The following SPAG5 variants were observed in gnomAD, a reference collection of about 807,000 sequenced individuals.
SPAG5 encodes sperm associated antigen 5.
SPAG5 carries 99 observed loss-of-function variants against 145.4 expected under a neutral mutation model. The observed-to-expected ratio is 0.68, with a 90% CI of 0.58 to 0.80. The LOEUF (loss-of-function observed/expected upper bound fraction) is 0.80. Among genes scored for constraint, SPAG5 ranks in the 30% least tolerant of loss-of-function variants. SPAG5 has a pLI of 0.00. For synonymous variants in SPAG5, 477 were observed against 525.4 expected (o/e 0.91, Z 1.26); for missense variants, 1,192 against 1,416.0 (o/e 0.84, Z 2.54).
rs2070627380 is a variant in SPAG5, at chr17:28,592,323, G to A, written c.921C>T (p.Cys307=). ...VSSVEDILST[C]LTPNLVEMES... ...CCATTTCTACTAGATTTGGTGTCAG[G>A]CATGTGGACAGAATATCTTCCACAC... Residue 307 remains cysteine (C), a synonymous_variant, in exon 3 of 24, where the codon TGC becomes TGT. Transcript: ENST00000321765. 6.2e-7 allele frequency: 1 copy of A among 1,614,066 alleles called. No individual in the cohort carries two copies. Among genetic ancestry groups the A allele is most frequent in the Non-Finnish European group, 8.5e-7 (1 of 1,179,980 alleles).
In SPAG5 at chr17:28,584,191, C is replaced by G. The variant is rs907997056; in HGVS notation, c.2371G>C (p.Val791Leu). The change falls in exon 13 of 24, where the codon GTC becomes CTC. Residue 791 changes from valine to leucine, a missense_variant. Val to Leu is a conservative substitution (Grantham distance 32, BLOSUM62 1). This residue lies in a region of SPAG5 where 709 missense variants were observed against 840.7 expected (regional missense o/e 0.84). Coordinates refer to ENST00000321765, the MANE Select transcript of SPAG5 (RefSeq NM_006461.4). ...MQAELQQQQAVLAKEVRDLKE... is the reference protein window; with the variant it reads ...MQAELQQQQALLAKEVRDLKE... ...AGGTCCCGCACCTCTTTGGCCAGGA[C>G]AGCTTGTTGCTGCTGCAGTTCTGCC... 1 of 1,613,940 alleles carries G rather than the reference C, an allele frequency of 6.2e-7. No individual in the cohort carries two copies. The highest frequency in any genetic ancestry group is 1.3e-5 in the African/African-American group (1 of 74,948).
At chr17:28,581,231 A>G (rs1427303264) in intron 15 of SPAG5, among the ~76,000 whole-genome samples, 4 of 152,220 alleles carry the variant, frequency 2.6e-5, no homozygotes, top group African/African-American at 7.2e-5. Context: ...CATATGGCCC[A>G]AAAAGCCAAA....
Position 28,585,158 on chromosome 17 carries a change from CTG to C in SPAG5, c.2009_2010del (p.Thr670SerfsTer11). On this transcript the variant is annotated frameshift_variant, in exon 10 of 24. Transcript: ENST00000321765. LOFTEE classifies it high-confidence loss of function. ...SRSRQLTEKL[T>X]VKSQQALQER... ...TCCTGCAGGGCTTGCTGGCTCTTGACTGTGAGTTTCTCTGTGAGTTGTCGGGA... is the reference window on the plus strand; with the variant it reads ...TCCTGCAGGGCTTGCTGGCTCTTGACTGAGTTTCTCTGTGAGTTGTCGGGA... 2 of 1,614,242 alleles carry C rather than the reference CTG, an allele frequency of 1.2e-6. No homozygotes were observed. Among genetic ancestry groups the C allele is most frequent in the Middle Eastern group, 1.6e-4 (1 of 6,062 alleles).
intron 15 of SPAG5, chr17:28,580,687 T>A (rs140790778): frequency 6.6e-6 from 1 of 152,370 alleles, no homozygotes; most frequent in African/African-American, 2.4e-5. Flanking sequence ...GCCCCACACC[T>A]TTCTGGTTAT....
Position 28,592,656 on chromosome 17 carries a change from T to C in SPAG5, c.588A>G (p.Glu196=), listed in dbSNP as rs1213735690. 4 of 1,614,138 alleles carry C rather than the reference T, an allele frequency of 2.5e-6. No individual in the cohort carries two copies. Among genetic ancestry groups the C allele is most frequent in the East Asian group, 4.5e-5 (2 of 44,890 alleles). ...ACTCCTCTAAGAGATGGGACGGAGA[T>C]TCCTGAAAGATAGGTTTCTCAGATA... ...AAVSEKPIFQ[E]SPSHLLEESP... The change falls in exon 3 of 24, where the codon GAA becomes GAG. Residue 196 remains glutamate, a synonymous_variant. Transcript: ENST00000321765.
chr17:28,578,818 G>A, intron 19 of SPAG5, 66 bp from the exon 20 acceptor site: 1 of 1,282,146 alleles, frequency 7.8e-7, no homozygotes, highest in Non-Finnish European at 1.1e-6. Context: ...TTGCCAGGAG[G>A]TAGGAGAGAG....
intron 4 of SPAG5, among the ~76,000 whole-genome samples, chr17:28,588,110 T>C (rs2070597853): frequency 1.3e-5 from 2 of 152,232 alleles, no homozygotes; most frequent in Admixed American, 1.3e-4. Context: ...TTGGAGTTCA[T>C]GGCTCCCTTC....
chr17:28,590,886 A>C (rs2070616631), intron 4 of SPAG5, among the ~76,000 whole-genome samples: 2 of 150,910 alleles, frequency 1.3e-5, no homozygotes, highest in African/African-American at 2.4e-5. Context: ...AAAAAAAAAA[A>C]AAAAAAACTA....
chr17:28,580,078 T>C lies in SPAG5; in HGVS notation c.2728A>G (p.Thr910Ala), dbSNP rs1429607077. Residue 910 changes from threonine (T) to alanine (A), a missense_variant, in exon 16 of 24, where the codon ACC (threonine) becomes GCC (alanine). Coordinates refer to ENST00000321765, the MANE Select transcript of SPAG5 (RefSeq NM_006461.4). ...TCATTAGGCAGAGGGTGTTCCTGGG[T>C]GGGAGGACAGGCTGTACTCAGCAGA... ...TLLLSTACPP[T>A]QEHPLPNDRT... The C allele has an allele frequency of 1.4e-5, 23 of 1,613,972 alleles. No homozygotes were observed. The highest frequency in any genetic ancestry group is 1.9e-5 in the Non-Finnish European group (22 of 1,180,002).
In SPAG5 at chr17:28,584,684, T is replaced by A. The variant is rs1298430143; in HGVS notation, c.2129A>T (p.Gln710Leu). 6.2e-7 allele frequency: 1 copy of A among 1,614,184 alleles called. No homozygotes were observed. Among genetic ancestry groups the A allele is most frequent in the Admixed American group, 1.7e-5 (1 of 60,014 alleles). The change falls in exon 11 of 24, where the codon CAA (glutamine) becomes CTA (leucine). Residue 710 changes from glutamine (Q) to leucine (L), a missense_variant. Physicochemically the swap from Gln to Leu is moderately radical, Grantham distance 113 (BLOSUM62 -2). This residue lies in a region of SPAG5 where 709 missense variants were observed against 840.7 expected (regional missense o/e 0.84). Transcript: ENST00000321765. The part of the protein sequence containing the change: ...QLEECKGQTE[Q>L]LELENSRLAT... ...TAGACGACTGTTTTCCAACTCCAGT[T>A]GTTCTGTTTGGCCTTTGCACTCCTC...
intron 19 of SPAG5, 71 bp downstream of exon 19, chr17:28,579,070 A>AT: frequency 7.7e-7 from 1 of 1,298,374 alleles, no homozygotes; most frequent in Non-Finnish European, 1.1e-6. Context: ...TCCTGGAGAG[A>AT]TAATGGCTCC....
At chr17:28,585,821 G>T in intron 7 of SPAG5, 43 bp downstream of exon 7, 2 of 1,613,782 alleles carry the variant, frequency 1.2e-6, no homozygotes, top group Non-Finnish European at 1.7e-6. Context: ...GAACCTTGAG[G>T]TGGAAACCTC....
intron 3 of SPAG5, 50 bp downstream of exon 3, chr17:28,591,932 A>G (rs1445346824): frequency 1.9e-6 from 3 of 1,609,550 alleles, no homozygotes; most frequent in Admixed American, 3.3e-5. Flanking sequence ...TGGGAGGGGA[A>G]GGTCCAGGGT....
Position 28,592,682 on chromosome 17 carries a change from C to A in SPAG5, c.562G>T (p.Val188Leu). 6.2e-7 allele frequency: 1 copy of A among 1,614,196 alleles called. No individual in the cohort carries two copies. ...TCCTGAAAGATAGGTTTCTCAGATA[C>A]AGCAGCAACTTCTGAAAACCTGTCT... ...MGDRFSEVAA[V>L]SEKPIFQESP... Residue 188 changes from valine (V) to leucine (L), a missense_variant, in exon 3 of 24, where the codon GTA becomes TTA. By Grantham distance (32) the Val-to-Leu change is conservative. Transcript: ENST00000321765.
chr17:28,595,290 A>AGT (rs143277490), intron 2 of SPAG5, among the ~76,000 whole-genome samples: 1,991 of 148,450 alleles, frequency 0.013, 26 homozygotes, highest in African/African-American at 0.03. Context: ...TATAAAGATG[A>AGT]GTGTGTGTGT....
chr17:28,591,109 CTT>C (rs2070618354), intron 4 of SPAG5, among the ~76,000 whole-genome samples: 1 of 152,036 alleles, frequency 6.6e-6, no homozygotes, highest in African/African-American at 2.4e-5. Flanking sequence ...CATAATTTTT[CTT>C]AAAATATTAA....
rs143027546 is a variant in SPAG5, at chr17:28,592,094, C to T, written c.1150G>A (p.Val384Met). The part of the protein sequence containing the change: ...IGTTPFSTCS[V>M]GTWFTPSAPQ... The stretch of plus-strand genomic sequence containing the variant: ...GCTGAAGGAGTAAACCAAGTCCCCA[C>T]CGAGCAAGTAGAGAAAGGGGTAGTG... Residue 384 changes from valine (V) to methionine (M), a missense_variant, in exon 3 of 24, where the codon GTG becomes ATG. Around this residue, in one of 5 missense-constraint regions of SPAG5, gnomAD observed 125 missense variants for 143.8 expected, o/e 0.87. Coordinates refer to ENST00000321765, the MANE Select transcript of SPAG5 (RefSeq NM_006461.4). 975 of 1,614,076 alleles carry T rather than the reference C, an allele frequency of 6.0e-4. 8 individuals are homozygous for T. In the Middle Eastern group the frequency reaches 8.7e-3, roughly 14 times the overall value.
intron 1 of SPAG5, 80 bp from the exon 2 acceptor site, chr17:28,598,715 G>A (rs1171031864): frequency 6.5e-7 from 1 of 1,544,784 alleles, no homozygotes; most frequent in Non-Finnish European, 8.8e-7. Context: ...TCCCTAAGAA[G>A]CCCAAAATGC....
chr17:28,578,051 C>T lies in SPAG5; in HGVS notation c.3469G>A (p.Glu1157Lys). 1.2e-6 allele frequency: 2 copies of T among 1,614,154 alleles called. No homozygotes were observed. Among genetic ancestry groups the T allele is most frequent in the South Asian group, 2.2e-5 (2 of 91,082 alleles). ...LEENLRRSDK[E>K]LEKLDDIVQH... ...ACAATGTCATCTAGTTTTTCTAACT[C>T]CTTGTCAGAGCGCCGAAGGTTCTCC... is the stretch of plus-strand genomic sequence containing the variant. Residue 1157 changes from glutamate (E) to lysine (K), a missense_variant, in exon 23 of 24, where the codon GAG (glutamate) becomes AAG (lysine). Coordinates refer to ENST00000321765, the MANE Select transcript of SPAG5 (RefSeq NM_006461.4).
Sources: allele counts gnomAD v4.1 joint callset (sites outside exome capture counted in the v4.1 genomes callset), GRCh38; gene constraint gnomAD v4.1.1; regional missense constraint gnomAD v4.1.1; transcripts MANE v1.5; gene names NCBI Gene and HGNC (gene_info 2026-07-23, HGNC 2026-07-21).